KCNQ1: variants seen among roughly 807,000 people sequenced by gnomAD.
KCNQ1 encodes the protein potassium voltage-gated channel subfamily KQT member 1.
KCNQ1 carries 49 observed loss-of-function variants against 72.4 expected under a neutral mutation model. That is an observed-to-expected ratio of 0.68 (90% confidence interval 0.54 to 0.86). The LOEUF (loss-of-function observed/expected upper bound fraction) is 0.86, where lower values mean the gene tolerates loss of function less well. Ranked by LOEUF, KCNQ1 falls within the 40% of genes least tolerant of loss-of-function variation. The probability of loss-of-function intolerance (pLI) is 0.00; values close to 1 mark genes in which losing one functional copy is unlikely to be tolerated. For missense variants in KCNQ1, 790 were observed against 945.1 expected (o/e 0.84, Z 2.15); for synonymous variants, 450 against 412.6 (o/e 1.09, Z -1.10).
intron 1 of KCNQ1, among the ~76,000 whole-genome samples, chr11:2,467,235 C>T (rs1244864922): frequency 6.6e-6 from 1 of 152,162 alleles, no homozygotes; most frequent in African/African-American, 2.4e-5. Context: ...CCCCATTGCA[C>T]AGGGCTCCAT....
intron 8 of KCNQ1, among the ~76,000 whole-genome samples, chr11:2,586,819 C>T (rs532741029): frequency 6.6e-6 from 1 of 152,274 alleles, no homozygotes; most frequent in South Asian, 2.1e-4. Context: ...ACTCGGCCCT[C>T]TCTCAGGCTC....
At position 2,601,574 on chromosome 11, in the gene KCNQ1, C is replaced by T. The variant is rs1436222932; in HGVS notation, c.1393+12720C>T. Among the ~76,000 whole-genome samples the T allele has an allele frequency of 6.6e-6, 1 of 152,156 alleles. No individual in the cohort carries two copies. The highest frequency in any genetic ancestry group is 2.4e-5 in the African/African-American group (1 of 41,444). On this transcript the variant is annotated intron_variant, in intron 10 of 15. Coordinates refer to ENST00000155840, the MANE Select transcript of KCNQ1 (RefSeq NM_000218.3). This position sits in a 1 kb window ranked among gnomAD's most constrained non-coding sequence, Gnocchi z 5.2. ...TTGTCCTTTTACACGGACTTTCTCCCATCCCATCCCTCCAATCCCTGGTGA... is the reference window on the plus strand; with the variant it reads ...TTGTCCTTTTACACGGACTTTCTCCTATCCCATCCCTCCAATCCCTGGTGA...
In KCNQ1 at chr11:2,478,146, A is replaced by G. The variant is rs1846599696; in HGVS notation, c.386+32662A>G. On this transcript the variant is annotated intron_variant, in intron 1 of 15. Transcript: ENST00000155840. This position sits in a 1 kb window ranked among gnomAD's most constrained non-coding sequence, Gnocchi z 4.0. ...ACTCCTGCCAAAGACACAGCTGTCC[A>G]GGGTCGAATCATCCGGAGACACAGG... Among the ~76,000 whole-genome samples the G allele has an allele frequency of 6.6e-6, 1 of 151,250 alleles. No individual in the cohort carries two copies. The highest frequency in any genetic ancestry group is 2.4e-5 in the African/African-American group (1 of 41,148).
intron 11 of KCNQ1, among the ~76,000 whole-genome samples, chr11:2,730,998 A>G (rs935881814): frequency 1.3e-5 from 2 of 152,222 alleles, no homozygotes; most frequent in African/African-American, 4.8e-5. Flanking sequence ...AGCTTTGCTC[A>G]TAGAAAAGGA....
chr11:2,773,240 G>A (rs1327191099), intron 12 of KCNQ1, among the ~76,000 whole-genome samples: 2 of 151,900 alleles, frequency 1.3e-5, no homozygotes, highest in African/African-American at 4.8e-5. Context: ...ATAGAAGAGA[G>A]AGGCAGGGCT....
Position 2,587,757 on chromosome 11 carries a change from C to T in KCNQ1, c.1251+65C>T, listed in dbSNP as rs576781493. 94 of 1,607,988 alleles carry T rather than the reference C, an allele frequency of 5.8e-5. No individual in the cohort carries two copies. In the Admixed American group the frequency reaches 6.8e-4, roughly 12 times the overall value. On this transcript the variant is annotated intron_variant, in intron 9 of 15. Transcript: ENST00000155840. ...TAGCAGGTGGGGAGGCCGTGGGGGC[C>T]GCAGCACGAGGCTGGGATCTCACCA...
intron 6 of KCNQ1, among the ~76,000 whole-genome samples, chr11:2,575,283 G>A (rs939036377): frequency 3.3e-5 from 5 of 152,156 alleles, no homozygotes; most frequent in African/African-American, 1.2e-4. Context: ...GGCCCACACC[G>A]TCAGCTGCAG....
intron 1 of KCNQ1, among the ~76,000 whole-genome samples, chr11:2,525,518 G>A (rs189016310): frequency 6.6e-6 from 1 of 152,388 alleles, no homozygotes; most frequent in East Asian, 1.9e-4. Context: ...AGCTGGCCAG[G>A]AGGAGTCCTC....
chr11:2,828,366 T>G lies in KCNQ1; in HGVS notation c.1795-19401T>G, dbSNP rs1404384144. ...TCTTTGAATCCCACTAAGGTGACAG[T>G]AAAGGCATGAAAAACATGGAAACAT... is the stretch of plus-strand genomic sequence containing the variant. On this transcript the variant is annotated intron_variant, in intron 15 of 15. Coordinates refer to ENST00000155840, the MANE Select transcript of KCNQ1 (RefSeq NM_000218.3). This position sits in a 1 kb window ranked among gnomAD's most constrained non-coding sequence, Gnocchi z 5.3. 6.6e-6 allele frequency among the ~76,000 whole-genome samples: 1 copy of G among 151,930 alleles called. No homozygotes were observed. Among genetic ancestry groups the G allele is most frequent in the Non-Finnish European group, 1.5e-5 (1 of 67,960 alleles).
chr11:2,776,870 T>C (rs907451272), intron 13 of KCNQ1, 116 bp from the exon 14 acceptor site: 2 of 1,011,182 alleles, frequency 2.0e-6, no homozygotes, highest in Non-Finnish European at 1.5e-6. Context: ...GTCCCCAGAG[T>C]GGGTGGACAG....
intron 10 of KCNQ1, chr11:2,631,449 T>G (rs1849351850): frequency 2.5e-6 from 1 of 398,476 alleles, no homozygotes; most frequent in South Asian, 1.3e-4. Flanking sequence ...GATTTCTATT[T>G]CTTTATTGAA....
chr11:2,825,176 C>CT (rs1564907029), intron 15 of KCNQ1, among the ~76,000 whole-genome samples: 1 of 151,470 alleles, frequency 6.6e-6, no homozygotes, highest in Admixed American at 6.6e-5. Flanking sequence ...TTCCCTGCGG[C>CT]GGGACTGGGG....
chr11:2,648,917 T>A (rs1407275230), intron 10 of KCNQ1: 1 of 398,238 alleles, frequency 2.5e-6, no homozygotes, highest in Non-Finnish European at 4.4e-6. Flanking sequence ...AATTGTTATA[T>A]CTTCTTGCTG....
At chr11:2,686,719 G>C in intron 11 of KCNQ1, 1 of 398,600 alleles carries the variant, frequency 2.5e-6, no homozygotes, top group Admixed American at 4.4e-5. Flanking sequence ...AGTCCTACTC[G>C]GCCCCACTTC....
intron 15 of KCNQ1, among the ~76,000 whole-genome samples, chr11:2,804,797 A>G (rs74602888): frequency 2.0e-5 from 3 of 152,080 alleles, no homozygotes; most frequent in Admixed American, 1.3e-4. Flanking sequence ...TGCTGGAAAT[A>G]TGTGTCCCCA....
rs1259808051 is a variant in KCNQ1 at position 2,623,472 on chromosome 11, C to T, written c.1393+34618C>T. On this transcript the variant is annotated intron_variant, in intron 10 of 15. Transcript: ENST00000155840. The surrounding 1 kb of genome is among the most constrained non-coding windows in gnomAD (Gnocchi z 5.2). ...TGGCAACCACTGAACTTTTTACTGC[C>T]TCCATAGCATTGCCTTTTCTAAAAT... The T allele has an allele frequency of 2.5e-6, 1 of 398,470 alleles. No individual in the cohort carries two copies. Among genetic ancestry groups the T allele is most frequent in the Non-Finnish European group, 4.4e-6 (1 of 226,076 alleles). The allele number at this position is 398,470 out of a possible 1,614,324, so 24.7% of individuals were successfully genotyped here. A position where few individuals can be genotyped will look rare whatever the true frequency, so the allele number is the denominator to read the frequency against.
chr11:2,727,889 G>A (rs555369449), intron 11 of KCNQ1, among the ~76,000 whole-genome samples: 1 of 152,306 alleles, frequency 6.6e-6, no homozygotes, highest in East Asian at 1.9e-4. Flanking sequence ...GTGGGGCTTT[G>A]CTGTGGAGGC....
At chr11:2,791,339 G>C (rs576852143) in intron 15 of KCNQ1, among the ~76,000 whole-genome samples, 1 of 152,312 alleles carries the variant, frequency 6.6e-6, no homozygotes, top group African/African-American at 2.4e-5. Flanking sequence ...GCGTGAGGGC[G>C]GTGCGGAGCC....
rs554867011 is a variant in KCNQ1, at chr11:2,447,974, G to A, written c.386+2490G>A. ...TCCTTCTGGCCTCCCTGGGCTGGCC[G>A]GGGTGGACACGGCACCTGGGCCACA... On this transcript the variant is annotated intron_variant, in intron 1 of 15. Coordinates refer to ENST00000155840, the MANE Select transcript of KCNQ1 (RefSeq NM_000218.3). This position sits in a 1 kb window ranked among gnomAD's most constrained non-coding sequence, Gnocchi z 7.6. 2.6e-5 allele frequency among the ~76,000 whole-genome samples: 4 copies of A among 152,304 alleles called. No homozygotes were observed. Among genetic ancestry groups the A allele is most frequent in the African/African-American group, 7.2e-5 (3 of 41,570 alleles).
Sources: allele counts gnomAD v4.1 joint callset (sites outside exome capture counted in the v4.1 genomes callset), GRCh38; gene constraint gnomAD v4.1.1; non-coding constraint Gnocchi (gnomAD v3.1); transcripts MANE v1.5; gene names NCBI Gene and HGNC (gene_info 2026-07-23, HGNC 2026-07-21).